The following CDCA2 variants were observed in gnomAD, a reference collection of about 807,000 sequenced individuals.
The protein encoded by CDCA2 is cell division cycle-associated protein 2.
A neutral mutation model predicts 67.0 loss-of-function variants in CDCA2; 44 were observed. The observed-to-expected ratio is 0.66, with a 90% confidence interval of 0.52 to 0.84. The LOEUF is 0.84. Ranked by LOEUF, CDCA2 falls within the 40% of genes least tolerant of loss-of-function variation. The probability of loss-of-function intolerance (pLI) is 0.00; values close to 1 mark genes in which losing one functional copy is unlikely to be tolerated. For missense variants in CDCA2, 1,253 were observed against 1,203.2 expected (o/e 1.04, Z -0.61); for synonymous variants, 447 against 418.7 (o/e 1.07, Z -0.82).
intron 13 of CDCA2, among the ~76,000 whole-genome samples, chr8:25,489,624 A>G (rs1336849161): frequency 6.6e-6 from 1 of 152,188 alleles, no homozygotes; most frequent in Non-Finnish European, 1.5e-5. Flanking sequence ...TTGCCGCTTC[A>G]CTTCATTTTT....
In CDCA2 at chr8:25,468,295, A is replaced by G. The variant is rs991221398; in HGVS notation, c.617A>G (p.Tyr206Cys). 1.1e-5 allele frequency: 18 copies of G among 1,614,020 alleles called. No individual in the cohort carries two copies. Among genetic ancestry groups the G allele is most frequent in the African/African-American group, 1.3e-5 (1 of 75,022 alleles). ...TCCTCCAAACGTCGGAGAATATCCT[A>G]TCAGAGAGACTCTGATGAAAATCTG... ...VLSSKRRRISYQRDSDENLTD... is the reference protein window; with the variant it reads ...VLSSKRRRISCQRDSDENLTD... The change falls in exon 6 of 15, where the codon TAT (tyrosine) becomes TGT (cysteine). Residue 206 changes from tyrosine (Y) to cysteine (C), a missense_variant. By Grantham distance (194) the Tyr-to-Cys change is radical. Coordinates refer to ENST00000330560, the MANE Select transcript of CDCA2 (RefSeq NM_152562.4).
At chr8:25,471,639 C>G (rs1179973611) in intron 7 of CDCA2, among the ~76,000 whole-genome samples, 1 of 152,152 alleles carries the variant, frequency 6.6e-6, no homozygotes, top group Non-Finnish European at 1.5e-5. Context: ...TGGGATTTGC[C>G]ACCGTGCCCG....
rs1421440072 is a variant in CDCA2 at position 25,462,134 on chromosome 8, AT to A, written c.315del (p.Arg106ValfsTer9). On this transcript the variant is annotated frameshift_variant, in exon 4 of 15. Transcript: ENST00000330560. LOFTEE classifies it high-confidence loss of function. ...ARGSPETNHL[I>X]RFIARQQNIK... ...GGGCTCTCCTGAAACAAACCATCTG[AT>A]TCGTTTCATTGCTCGGCAGCAAAAT... is the stretch of plus-strand genomic sequence containing the variant. 1 of 1,613,918 alleles carries A rather than the reference AT, an allele frequency of 6.2e-7. No individual in the cohort carries two copies. The highest frequency in any genetic ancestry group is 8.5e-7 in the Non-Finnish European group (1 of 1,179,908).
chr8:25,462,337 C>G, intron 4 of CDCA2, 129 bp downstream of exon 4: 1 of 1,062,546 alleles, frequency 9.4e-7, no homozygotes, highest in South Asian at 1.6e-5. Flanking sequence ...AGAGAACATG[C>G]AGTTAGCGGC....
intron 7 of CDCA2, among the ~76,000 whole-genome samples, chr8:25,478,274 T>C (rs1034538587): frequency 3.3e-5 from 5 of 152,146 alleles, no homozygotes; most frequent in African/African-American, 1.2e-4. Context: ...CATTGACAAA[T>C]GCTACTAGGT....
intron 4 of CDCA2, among the ~76,000 whole-genome samples, 187 bp downstream of exon 4, chr8:25,462,395 G>A (rs1802730763): frequency 1.3e-5 from 2 of 152,206 alleles, no homozygotes; most frequent in South Asian, 4.1e-4. Context: ...GGGAGGCTGA[G>A]GCAGGCAGAT....
At chr8:25,470,141 T>C (rs547356892) in intron 7 of CDCA2, among the ~76,000 whole-genome samples, 161 bp downstream of exon 7, 10 of 152,334 alleles carry the variant, frequency 6.6e-5, no homozygotes, top group African/African-American at 2.4e-4. Context: ...ATATGAGAGA[T>C]ACTCTCTTTT....
intron 4 of CDCA2, among the ~76,000 whole-genome samples, chr8:25,465,725 C>T (rs17053762): frequency 0.2 from 30,203 of 152,038 alleles, 3,130 homozygotes; most frequent in East Asian, 0.24. Flanking sequence ...TTCTGTGTCT[C>T]GTTCTGGCCC....
Position 25,507,199 on chromosome 8 carries a change from GA to G in CDCA2, c.2540del (p.Asn847MetfsTer14). Reference protein sequence around the residue: ...CYSDGRSLHLEKNGNHTPSSS... With the variant: ...CYSDGRSLHLXKNGNHTPSSS... ...TTCTGATGGTCGAAGTTTACATTTG[GA>G]AAAAAATGGAAATCACACACCATCC... On this transcript the variant is annotated frameshift_variant, in exon 15 of 15. Transcript: ENST00000330560. LOFTEE classifies it low-confidence loss of function (END_TRUNC). The G allele has an allele frequency of 6.2e-7, 1 of 1,614,090 alleles. No individual in the cohort carries two copies.
chr8:25,462,821 C>G (rs928502704), intron 4 of CDCA2, among the ~76,000 whole-genome samples: 35 of 152,114 alleles, frequency 2.3e-4, no homozygotes, highest in Middle Eastern at 3.2e-3. Flanking sequence ...GAACTATAGG[C>G]ATGTGCCACA....
At position 25,472,846 on chromosome 8, in the gene CDCA2, A is replaced by AT. The variant is rs199945154; in HGVS notation, c.820+2875dup. Among the ~76,000 whole-genome samples, 386 of 151,016 alleles carry AT rather than the reference A, an allele frequency of 2.6e-3. 4 individuals are homozygous for AT. Among genetic ancestry groups the AT allele is most frequent in the African/African-American group, 4.9e-3 (204 of 41,234 alleles). On this transcript the variant is annotated intron_variant, in intron 7 of 14. Coordinates refer to ENST00000330560, the MANE Select transcript of CDCA2 (RefSeq NM_152562.4). ...ATGTCCCTCACTTCACTTACCTGTCATTTTTTTTTATGGTGAGACGTTTGA... is the reference window on the plus strand; with the variant it reads ...ATGTCCCTCACTTCACTTACCTGTCATTTTTTTTTTATGGTGAGACGTTTGA...
chr8:25,503,292 T>C, intron 13 of CDCA2, 81 bp from the exon 14 acceptor site: 1 of 1,042,560 alleles, frequency 9.6e-7, no homozygotes, highest in Non-Finnish European at 1.4e-6. Flanking sequence ...CAAAAATAAA[T>C]AAAAATAACT....
chr8:25,468,800 T>G (rs1803038519), intron 6 of CDCA2, among the ~76,000 whole-genome samples: 1 of 152,134 alleles, frequency 6.6e-6, no homozygotes, highest in South Asian at 2.1e-4. Flanking sequence ...ATGGCTTCAG[T>G]GGAGCTGGTG....
intron 4 of CDCA2, 99 bp from the exon 5 acceptor site, chr8:25,466,076 T>G (rs764677836): frequency 9.3e-7 from 1 of 1,077,598 alleles, no homozygotes; most frequent in Admixed American, 2.8e-5. Context: ...AAAAAGCATA[T>G]GTGTACTGTA....
chr8:25,466,535 TC>T (rs1802909118), intron 5 of CDCA2, among the ~76,000 whole-genome samples: 2 of 152,156 alleles, frequency 1.3e-5, no homozygotes, highest in South Asian at 4.1e-4. Context: ...GCATTCCTAA[TC>T]CTACATTTCC....
Position 25,507,688 on chromosome 8 carries a change from T to G in CDCA2, c.3022T>G (p.Ser1008Ala). 6.2e-7 allele frequency: 1 copy of G among 1,613,668 alleles called. No individual in the cohort carries two copies. Among genetic ancestry groups the G allele is most frequent in the Non-Finnish European group, 8.5e-7 (1 of 1,179,906 alleles). ...RSSLNGKGESSLTALERIEHN... is the reference protein window; with the variant it reads ...RSSLNGKGESALTALERIEHN... ...CTCTCTTAATGGGAAGGGAGAGAGC[T>G]CTCTGACTGCCTTGGAAAGGATTGA... Residue 1008 changes from serine to alanine, a missense_variant, in exon 15 of 15, where the codon TCT (serine) becomes GCT (alanine). Coordinates refer to ENST00000330560, the MANE Select transcript of CDCA2 (RefSeq NM_152562.4).
At chr8:25,470,032 A>G (rs762373408) in intron 7 of CDCA2, 52 bp downstream of exon 7, 2 of 1,259,142 alleles carry the variant, frequency 1.6e-6, no homozygotes, top group Admixed American at 1.8e-5. Context: ...ATAGACATTT[A>G]TGATTAGTGT....
chr8:25,503,238 G>T, intron 13 of CDCA2, 135 bp from the exon 14 acceptor site: 1 of 662,624 alleles, frequency 1.5e-6, no homozygotes, highest in Non-Finnish European at 2.6e-6. Context: ...AGCTGAGATT[G>T]TGCCACTGCA....
At chr8:25,489,532 A>G (rs1158480651) in intron 13 of CDCA2, among the ~76,000 whole-genome samples, 1 of 152,208 alleles carries the variant, frequency 6.6e-6, no homozygotes, top group East Asian at 1.9e-4. Flanking sequence ...TCCATCTGAC[A>G]TAGCCCCTAG....
Sources: gnomAD v4.1 joint callset for allele counts (sites outside exome capture counted in the v4.1 genomes callset) on GRCh38, gnomAD v4.1.1 for gene constraint, MANE v1.5 for transcripts, NCBI Gene and HGNC (gene_info 2026-07-23, HGNC 2026-07-21) for gene names.